Variants in TLN2 observed in about 807,000 individuals in gnomAD.
TLN2 encodes talin 2.
Under a neutral mutation model 294.7 loss-of-function variants are expected in TLN2, and 118 were observed. That is an observed-to-expected ratio of 0.40 (90% CI 0.34 to 0.47). The LOEUF (loss-of-function observed/expected upper bound fraction) is 0.47. Ranked by LOEUF, TLN2 falls within the 20% of genes least tolerant of loss-of-function variation. The pLI is 0.84. For missense variants in TLN2, 3,083 were observed against 3,282.2 expected (o/e 0.94, Z 1.48); for synonymous variants, 1,431 against 1,304.5 (o/e 1.10, Z -2.09).
chr15:62,796,834 T>TGAACA (rs1190624683), intron 47 of TLN2, among the ~76,000 whole-genome samples: 1 of 152,200 alleles, frequency 6.6e-6, no homozygotes, highest in Non-Finnish European at 1.5e-5. Flanking sequence ...CCTCTGATCC[T>TGAACA]GAACAAGGTG....
At position 62,680,552 on chromosome 15, in the gene TLN2, CA is replaced by C. The variant is rs906258562; in HGVS notation, c.957+5241del. On this transcript the variant is annotated intron_variant, in intron 11 of 58. Transcript: ENST00000636159. ...AAAGAGATCACATGCAGAACAGCAT[CA>C]AAAAAAAAATTGTATACCTAAGGGA... Among the ~76,000 whole-genome samples, 76 of 138,630 alleles carry C rather than the reference CA, an allele frequency of 5.5e-4. 1 individual carries two copies. Among genetic ancestry groups the C allele is most frequent in the Admixed American group, 8.7e-4 (12 of 13,842 alleles). 90.9% of individuals were successfully genotyped at this position (138,630 alleles called of 152,430 possible).
intron 1 of TLN2, among the ~76,000 whole-genome samples, chr15:62,465,388 A>T (rs1051467807): frequency 6.6e-6 from 1 of 152,112 alleles, no homozygotes; most frequent in Non-Finnish European, 1.5e-5. Flanking sequence ...CTTTCAGAGA[A>T]CGAGTGTGAT....
intron 1 of TLN2, among the ~76,000 whole-genome samples, chr15:62,490,686 C>T (rs541183198): frequency 6.6e-6 from 1 of 152,170 alleles, no homozygotes; most frequent in East Asian, 1.9e-4. Context: ...GCTGTTCTAC[C>T]TGTGGAATTT....
rs142334113 is a variant in TLN2, at chr15:62,569,411, C to T, written c.-237-20276C>T. 9.9e-3 allele frequency among the ~76,000 whole-genome samples: 1,503 copies of T among 152,308 alleles called. 15 individuals carry two copies. The highest frequency in any genetic ancestry group is 0.015 in the Non-Finnish European group (1,050 of 68,022). The stretch of plus-strand genomic sequence containing the variant: ...GACAGACATTTGGCCTGACCTGGCT[C>T]TAGAGTCTCTCTTCCCTCTTAGGAG... On this transcript the variant is annotated intron_variant, in intron 1 of 58. Transcript: ENST00000636159.
intron 1 of TLN2, among the ~76,000 whole-genome samples, chr15:62,400,210 C>G (rs1052170102): frequency 1.3e-5 from 2 of 152,284 alleles, no homozygotes; most frequent in Non-Finnish European, 2.9e-5. Flanking sequence ...CCCCTTCTGC[C>G]ATTATTGTAA....
intron 1 of TLN2, among the ~76,000 whole-genome samples, chr15:62,576,776 C>T (rs1251573944): frequency 1.4e-5 from 2 of 147,648 alleles, no homozygotes; most frequent in Non-Finnish European, 3.0e-5. Flanking sequence ...AGAGCAAGTA[C>T]GAGCTAAGTT....
chr15:62,564,933 T>C (rs1377120298), intron 1 of TLN2, among the ~76,000 whole-genome samples: 1 of 144,388 alleles, frequency 6.9e-6, no homozygotes, highest in East Asian at 2.0e-4. Context: ...AAAATATATA[T>C]ATATATATAC....
intron 1 of TLN2, among the ~76,000 whole-genome samples, chr15:62,469,639 G>T (rs2037355931): frequency 6.6e-6 from 1 of 152,312 alleles, no homozygotes; most frequent in Admixed American, 6.5e-5. Context: ...CAGGCTGCTT[G>T]TGTGCTTGGC....
At chr15:62,523,756 GAC>G (rs2040587290) in intron 1 of TLN2, among the ~76,000 whole-genome samples, 1 of 152,214 alleles carries the variant, frequency 6.6e-6, no homozygotes, top group Non-Finnish European at 1.5e-5. Flanking sequence ...TATGAAAAGT[GAC>G]AGTGTACACA....
At chr15:62,542,842 C>A (rs974960369) in intron 1 of TLN2, among the ~76,000 whole-genome samples, 2 of 152,032 alleles carry the variant, frequency 1.3e-5, no homozygotes, top group Non-Finnish European at 2.9e-5. Flanking sequence ...ATGAACGCCA[C>A]ATCAACCATA....
In TLN2 at chr15:62,662,702, G is replaced by A. The variant is rs565514865; in HGVS notation, c.788+4804G>A. ...CCTCATGGAACTTAAATTCTAGTGC[G>A]GAAAGAAAGATGATAACTATTAAGT... is the stretch of plus-strand genomic sequence containing the variant. On this transcript the variant is annotated intron_variant, in intron 9 of 58. Transcript: ENST00000636159. Among the ~76,000 whole-genome samples the A allele has an allele frequency of 9.9e-5, 15 of 151,998 alleles. 1 individual carries two copies. In the South Asian group the frequency reaches 1.0e-3, roughly 11 times the overall value.
chr15:62,434,280 G>A (rs920037135), intron 1 of TLN2, among the ~76,000 whole-genome samples: 3 of 151,984 alleles, frequency 2.0e-5, no homozygotes, highest in Non-Finnish European at 4.4e-5. Context: ...TAGTATATAA[G>A]GTGTGTGTAC....
intron 51 of TLN2, among the ~76,000 whole-genome samples, chr15:62,808,311 C>CTGACTTT (rs1401051091): frequency 6.6e-6 from 1 of 152,038 alleles, no homozygotes; most frequent in East Asian, 1.9e-4. Context: ...TGCTATATTG[C>CTGACTTT]TGACTTTTTA....
At chr15:62,498,567 T>A (rs996455219) in intron 1 of TLN2, among the ~76,000 whole-genome samples, 3 of 152,176 alleles carry the variant, frequency 2.0e-5, no homozygotes, top group Non-Finnish European at 4.4e-5. Flanking sequence ...AAGGGATATT[T>A]TAAAATAACA....
intron 6 of TLN2, among the ~76,000 whole-genome samples, chr15:62,652,819 C>T (rs2052746868): frequency 6.6e-6 from 1 of 152,102 alleles, no homozygotes; most frequent in Non-Finnish European, 1.5e-5. Context: ...TTACTTAGCA[C>T]TGGAGATTCT....
At position 62,782,586 on chromosome 15, in the gene TLN2, G is replaced by T. The variant is rs576662341; in HGVS notation, c.5617-1185G>T. On this transcript the variant is annotated intron_variant, in intron 44 of 58. Transcript: ENST00000636159. ...CCTGAGATAACTGGCCTGGCTCTTT[G>T]TGTGAAAGAGGCCCTTCTCACCCCG... Among the ~76,000 whole-genome samples, 4 of 152,318 alleles carry T rather than the reference G, an allele frequency of 2.6e-5. No homozygotes were observed. The South Asian group carries it at 6.2e-4, about 24-fold the overall frequency.
At chr15:62,590,603 G>C (rs578237090) in intron 2 of TLN2, among the ~76,000 whole-genome samples, 1 of 152,254 alleles carries the variant, frequency 6.6e-6, no homozygotes, top group East Asian at 1.9e-4. Flanking sequence ...GAAACTGGTT[G>C]GTGGTTGCTG....
chr15:62,562,905 A>AAC (rs2043079258), intron 1 of TLN2, among the ~76,000 whole-genome samples: 1 of 96,168 alleles, frequency 1.0e-5, no homozygotes, highest in Non-Finnish European at 2.1e-5. Flanking sequence ...GTAGTATTCC[A>AAC]TCACACACAC....
intron 7 of TLN2, 115 bp downstream of exon 7, chr15:62,653,429 T>C: frequency 1.5e-6 from 2 of 1,296,446 alleles, no homozygotes; most frequent in South Asian, 1.9e-5. Context: ...TTTAAAACTC[T>C]ATTTTAAAAA....
Sources: gnomAD v4.1 joint callset for allele counts (sites outside exome capture counted in the v4.1 genomes callset) on GRCh38, gnomAD v4.1.1 for gene constraint, MANE v1.5 for transcripts, NCBI Gene and HGNC (gene_info 2026-07-23, HGNC 2026-07-21) for gene names.